The following NAALADL2 variants were observed in gnomAD, a reference collection of about 807,000 sequenced individuals.
NAALADL2 encodes the protein inactive N-acetylated-alpha-linked acidic dipeptidase-like protein 2.
In NAALADL2, 76 loss-of-function variants were observed where a neutral mutation model predicts 87.2. That is an observed-to-expected ratio of 0.87 (90% CI 0.72 to 1.05). NAALADL2 has a LOEUF of 1.05. NAALADL2 is among the 50% of genes least tolerant of loss of function. The pLI is 0.00. For missense variants in NAALADL2, 1,089 were observed against 945.8 expected, an observed-to-expected ratio of 1.15 and a Z score of -1.99; for synonymous variants, 354 against 331.0, an observed-to-expected ratio of 1.07 and a Z score of -0.75.
intron 1 of NAALADL2, among the ~76,000 whole-genome samples, chr3:174,522,933 CAAAAAAAAAAAAAAAA>C (rs57653560): frequency 5.3e-5 from 4 of 75,838 alleles, no homozygotes; most frequent in African/African-American, 1.9e-4. Context: ...GACTCTGTCT[CAAAAAAAAAAAAAAAA>C]AAAAAAAAGA....
intron 3 of NAALADL2, among the ~76,000 whole-genome samples, chr3:174,792,348 T>TAAAATA (rs1423775201): frequency 2.0e-5 from 3 of 152,060 alleles, no homozygotes; most frequent in Non-Finnish European, 2.9e-5. Flanking sequence ...TGGTAGGCTG[T>TAAAATA]ACTGATTTTG....
chr3:175,670,309 T>C (rs1471171673), intron 11 of NAALADL2, among the ~76,000 whole-genome samples: 1 of 151,188 alleles, frequency 6.6e-6, no homozygotes, highest in African/African-American at 2.4e-5. Flanking sequence ...ATATAAAGAT[T>C]TGTAAAATAA....
intron 2 of NAALADL2, among the ~76,000 whole-genome samples, chr3:174,698,870 G>GAA (rs1008476334): frequency 1.2e-5 from 1 of 83,030 alleles, no homozygotes. Context: ...TCTCAAAGAA[G>GAA]AAAAAAAAAA....
At chr3:175,565,072 C>T (rs113057194) in intron 9 of NAALADL2, among the ~76,000 whole-genome samples, 5 of 152,270 alleles carry the variant, frequency 3.3e-5, no homozygotes, top group African/African-American at 2.4e-5. Flanking sequence ...AGCTTAACAG[C>T]GCTTTTTCTA....
intron 2 of NAALADL2, among the ~76,000 whole-genome samples, chr3:175,196,706 C>G (rs1451207305): frequency 6.6e-6 from 1 of 151,880 alleles, no homozygotes; most frequent in East Asian, 1.9e-4. Flanking sequence ...ACGTATTTCA[C>G]AAAAAGTACG....
rs1724614328 is a variant in NAALADL2, at chr3:175,469,855, T to C, written c.1534-1784T>C. ...TATAGACAGTGTCTATGTGGTAGTG[T>C]GCTAATAGAAGCTGATATTTCATAG... On this transcript the variant is annotated intron_variant, in intron 8 of 13. Transcript: ENST00000454872. Among the ~76,000 whole-genome samples the C allele has an allele frequency of 2.0e-5, 3 of 152,034 alleles. No individual in the cohort carries two copies. In the South Asian group the frequency reaches 6.2e-4, roughly 32 times the overall value.
intron 5 of NAALADL2, among the ~76,000 whole-genome samples, chr3:175,340,637 G>A (rs1762473481): frequency 6.6e-6 from 1 of 152,134 alleles, no homozygotes; most frequent in Non-Finnish European, 1.5e-5. Context: ...TGGCCCTAGA[G>A]TTATGAAAGC....
chr3:174,832,261 C>T (rs1172835299), intron 3 of NAALADL2, among the ~76,000 whole-genome samples: 1 of 151,788 alleles, frequency 6.6e-6, no homozygotes, highest in African/African-American at 2.4e-5. Context: ...TATAAATTTC[C>T]CTCTACACAC....
At chr3:175,363,483 T>C (rs576786963) in intron 5 of NAALADL2, among the ~76,000 whole-genome samples, 2 of 147,684 alleles carry the variant, frequency 1.4e-5, no homozygotes, top group South Asian at 4.4e-4. Flanking sequence ...TTTTGTTTCC[T>C]TTTATGAGAT....
chr3:174,787,983 C>T (rs967704783), intron 3 of NAALADL2, among the ~76,000 whole-genome samples: 4 of 151,910 alleles, frequency 2.6e-5, no homozygotes, highest in African/African-American at 9.7e-5. Context: ...CGTTAGAGTG[C>T]TTGTGATACG....
chr3:175,487,803 GT>G (rs1420166374), intron 9 of NAALADL2, among the ~76,000 whole-genome samples: 4 of 152,200 alleles, frequency 2.6e-5, no homozygotes, highest in African/African-American at 9.7e-5. Flanking sequence ...AGCAGAAAAT[GT>G]GTCTAATCCA....
chr3:175,016,463 G>A (rs562078485), intron 1 of NAALADL2, among the ~76,000 whole-genome samples: 1 of 151,270 alleles, frequency 6.6e-6, no homozygotes. Flanking sequence ...TTTTATATGA[G>A]TATATATGGT....
At chr3:175,672,439 A>G (rs1734127879) in intron 11 of NAALADL2, among the ~76,000 whole-genome samples, 1 of 152,142 alleles carries the variant, frequency 6.6e-6, no homozygotes, top group African/African-American at 2.4e-5. Flanking sequence ...ACGTGAAAAT[A>G]CCACTGATCA....
chr3:175,153,829 G>C (rs1731914324), intron 2 of NAALADL2, among the ~76,000 whole-genome samples: 1 of 152,170 alleles, frequency 6.6e-6, no homozygotes, highest in Non-Finnish European at 1.5e-5. Flanking sequence ...TCACTAGAGT[G>C]AGTATACTGC....
chr3:174,696,593 TAA>T (rs62946360), intron 2 of NAALADL2, among the ~76,000 whole-genome samples: 1,224 of 110,384 alleles, frequency 0.011, 7 homozygotes, highest in African/African-American at 0.021. Context: ...TGTAGTTATC[TAA>T]AAAAAAAAAA....
At chr3:175,772,626 A>T (rs180945241) in intron 13 of NAALADL2, among the ~76,000 whole-genome samples, 249 of 152,278 alleles carry the variant, frequency 1.6e-3, no homozygotes, top group African/African-American at 5.7e-3. Flanking sequence ...CCTTCCTCAT[A>T]GGTCTGGGGT....
At chr3:175,005,343 T>C (rs1463849022) in intron 1 of NAALADL2, among the ~76,000 whole-genome samples, 1 of 152,146 alleles carries the variant, frequency 6.6e-6, no homozygotes, top group African/African-American at 2.4e-5. Flanking sequence ...CCTCACTAAG[T>C]GTTGACTGTA....
At chr3:175,328,511 A>G (rs1486191313) in intron 5 of NAALADL2, among the ~76,000 whole-genome samples, 2 of 152,138 alleles carry the variant, frequency 1.3e-5, no homozygotes, top group Non-Finnish European at 2.9e-5. Context: ...CTGTTTCTCA[A>G]TTATCTTCAG....
chr3:175,265,825 A>G (rs1248103795), intron 4 of NAALADL2, among the ~76,000 whole-genome samples: 1 of 151,516 alleles, frequency 6.6e-6, no homozygotes, highest in African/African-American at 2.4e-5. Flanking sequence ...AATATTTTCA[A>G]TTGAACTTTG....
Sources: allele counts gnomAD v4.1 joint callset (sites outside exome capture counted in the v4.1 genomes callset), GRCh38; gene constraint gnomAD v4.1.1; transcripts MANE v1.5; gene names NCBI Gene and HGNC (gene_info 2026-07-23, HGNC 2026-07-21).